The following DNM3 variants were observed in gnomAD, a reference collection of about 807,000 sequenced individuals.
The protein encoded by DNM3 is dynamin-3.
DNM3 carries 47 observed loss-of-function variants against 101.6 expected under a neutral mutation model. The observed-to-expected ratio is 0.46, with a 90% CI of 0.37 to 0.59. The LOEUF (loss-of-function observed/expected upper bound fraction) is 0.59, where lower values mean the gene tolerates loss of function less well. Among genes scored for constraint, DNM3 ranks in the 20% least tolerant of loss-of-function variants. The probability of loss-of-function intolerance (pLI) is 0.00; values close to 1 mark genes in which losing one functional copy is unlikely to be tolerated. For missense variants in DNM3, 849 were observed against 1,085.7 expected, an observed-to-expected ratio of 0.78 and a Z score of 3.06; for synonymous variants, 385 against 387.9, an observed-to-expected ratio of 0.99 and a Z score of 0.09.
chr1:171,910,434 GC>G (rs1395943259), intron 1 of DNM3, among the ~76,000 whole-genome samples: 2 of 152,152 alleles, frequency 1.3e-5, no homozygotes, highest in African/African-American at 2.4e-5. Context: ...TACACTATCT[GC>G]CTGTTAGTAT....
At chr1:171,986,041 A>G (rs1175586904) in intron 2 of DNM3, among the ~76,000 whole-genome samples, 2 of 152,130 alleles carry the variant, frequency 1.3e-5, no homozygotes, top group Non-Finnish European at 2.9e-5. Flanking sequence ...GCTTTTTCCA[A>G]TGAGATCAAA....
chr1:171,901,503 C>T (rs991961138), intron 1 of DNM3, among the ~76,000 whole-genome samples: 2 of 152,026 alleles, frequency 1.3e-5, no homozygotes, highest in African/African-American at 4.8e-5. Flanking sequence ...AAGGAGGAGC[C>T]GCGTGGGTGA....
At chr1:172,251,341 CTTTTTAGAAATATCCATGATATACT>C (rs67569343) in intron 14 of DNM3, among the ~76,000 whole-genome samples, 103,418 of 151,676 alleles carry the variant, frequency 0.68, 35,911 homozygotes, top group Non-Finnish European at 0.74. Flanking sequence ...AGCACCAAGA[CTTTTTAGAAATATCCATGATATACT>C]TTTTTATTGC....
At chr1:171,958,010 A>G (rs2042973682) in intron 2 of DNM3, among the ~76,000 whole-genome samples, 1 of 152,220 alleles carries the variant, frequency 6.6e-6, no homozygotes, top group African/African-American at 2.4e-5. Flanking sequence ...TTGCTGATAA[A>G]GACATACCCA....
At chr1:172,050,271 C>T (rs2050114893) in intron 10 of DNM3, among the ~76,000 whole-genome samples, 1 of 152,150 alleles carries the variant, frequency 6.6e-6, no homozygotes, top group South Asian at 2.1e-4. Flanking sequence ...TCAAGATTAA[C>T]TGATACTGAG....
chr1:172,116,375 A>C (rs559249304), intron 13 of DNM3, among the ~76,000 whole-genome samples: 1 of 152,290 alleles, frequency 6.6e-6, no homozygotes, highest in East Asian at 1.9e-4. Context: ...TTCTGCACTC[A>C]TCATCCCCCT....
chr1:172,069,244 C>G (rs918926549), intron 11 of DNM3, among the ~76,000 whole-genome samples: 3 of 152,236 alleles, frequency 2.0e-5, no homozygotes, highest in African/African-American at 7.2e-5. Context: ...ACCACATTTT[C>G]TCTTTAAGAC....
At chr1:172,053,909 C>T (rs573085326) in intron 10 of DNM3, among the ~76,000 whole-genome samples, 4 of 151,942 alleles carry the variant, frequency 2.6e-5, no homozygotes, top group East Asian at 1.9e-4. Flanking sequence ...TTACTTGCCT[C>T]GTTTTGAACA....
At chr1:172,001,009 G>A (rs1487838983) in intron 4 of DNM3, among the ~76,000 whole-genome samples, 1 of 151,992 alleles carries the variant, frequency 6.6e-6, no homozygotes, top group Non-Finnish European at 1.5e-5. Flanking sequence ...CAGGAGAATG[G>A]GATAAAGGCA....
chr1:171,867,050 C>T (rs1352302540), intron 1 of DNM3, among the ~76,000 whole-genome samples: 1 of 152,188 alleles, frequency 6.6e-6, no homozygotes. Context: ...TTTTAAGTGA[C>T]GTGTGTAACC....
intron 2 of DNM3, among the ~76,000 whole-genome samples, chr1:171,958,212 A>G (rs1011766177): frequency 3.3e-5 from 5 of 152,126 alleles, no homozygotes; most frequent in Non-Finnish European, 7.4e-5. Context: ...TATCACAAGA[A>G]CAGCATGGGA....
chr1:171,977,077 A>T (rs2044429266), intron 2 of DNM3, among the ~76,000 whole-genome samples: 1 of 152,210 alleles, frequency 6.6e-6, no homozygotes, highest in Non-Finnish European at 1.5e-5. Context: ...AAGGACTGAC[A>T]TTTGCTGTCT....
intron 10 of DNM3, among the ~76,000 whole-genome samples, chr1:172,057,751 T>G (rs920418054): frequency 6.6e-6 from 1 of 151,840 alleles, no homozygotes; most frequent in East Asian, 1.9e-4. Flanking sequence ...TGCCAAAATG[T>G]AAAGACCATC....
chr1:171,860,353 A>G (rs1275539929), intron 1 of DNM3, among the ~76,000 whole-genome samples: 1 of 152,196 alleles, frequency 6.6e-6, no homozygotes, highest in Non-Finnish European at 1.5e-5. Context: ...TTAGCATCCA[A>G]GTTGAGATGT....
intron 15 of DNM3, among the ~76,000 whole-genome samples, chr1:172,274,806 G>A (rs992830948): frequency 1.2e-4 from 18 of 150,376 alleles, no homozygotes; most frequent in African/African-American, 4.4e-4. Context: ...CAACTTGCAT[G>A]GCATGAGACT....
intron 15 of DNM3, among the ~76,000 whole-genome samples, chr1:172,284,516 C>T (rs766581045): frequency 1.3e-5 from 2 of 152,100 alleles, no homozygotes; most frequent in East Asian, 1.9e-4. Flanking sequence ...CTCTGTTCAT[C>T]GCTATGTACC....
intron 2 of DNM3, among the ~76,000 whole-genome samples, chr1:171,950,362 G>A (rs1306216365): frequency 6.6e-6 from 1 of 152,038 alleles, no homozygotes; most frequent in Non-Finnish European, 1.5e-5. Context: ...GTGATATGTG[G>A]TAGGATACTT....
intron 18 of DNM3, among the ~76,000 whole-genome samples, chr1:172,379,599 AAT>A (rs1468216722): frequency 1.3e-5 from 2 of 152,020 alleles, no homozygotes; most frequent in Admixed American, 6.6e-5. Context: ...ACATATATAA[AAT>A]ATGTTAATAT....
chr1:172,059,001 G>A (rs1226167191), intron 10 of DNM3, among the ~76,000 whole-genome samples: 1 of 152,170 alleles, frequency 6.6e-6, no homozygotes, highest in Non-Finnish European at 1.5e-5. Flanking sequence ...AATAAAAAAT[G>A]ATAAAGGGGA....
Sources: allele counts gnomAD v4.1 joint callset (sites outside exome capture counted in the v4.1 genomes callset), GRCh38; gene constraint gnomAD v4.1.1; transcripts MANE v1.5; gene names NCBI Gene and HGNC (gene_info 2026-07-23, HGNC 2026-07-21).